SGCZ: variants seen among roughly 807,000 people sequenced by gnomAD.
SGCZ encodes zeta-sarcoglycan.
Under a neutral mutation model 41.3 loss-of-function variants are expected in SGCZ, and 40 were observed. The ratio of observed to expected loss-of-function variants is 0.97; its 90% CI spans 0.75 to 1.26. SGCZ has a LOEUF of 1.26. SGCZ is among the 50% of genes most tolerant of loss of function. The probability of loss-of-function intolerance (pLI) is 0.00; values close to 1 mark genes in which losing one functional copy is unlikely to be tolerated. For synonymous variants in SGCZ, 206 were observed against 137.5 expected (o/e 1.50, Z -3.49); for missense variants, 552 against 369.8 (o/e 1.49, Z -4.04).
chr8:14,701,956 A>G (rs546407741), intron 1 of SGCZ, among the ~76,000 whole-genome samples: 3 of 151,854 alleles, frequency 2.0e-5, no homozygotes, highest in Non-Finnish European at 4.4e-5. Flanking sequence ...ATTTGCCCCC[A>G]GCTATTTCCT....
chr8:14,228,139 C>T (rs1433109944), intron 4 of SGCZ, among the ~76,000 whole-genome samples: 1 of 151,960 alleles, frequency 6.6e-6, no homozygotes, highest in Admixed American at 6.6e-5. Flanking sequence ...AACATTATGC[C>T]CCATTAACCA....
At chr8:14,507,334 A>G (rs926873693) in intron 2 of SGCZ, among the ~76,000 whole-genome samples, 1 of 152,156 alleles carries the variant, frequency 6.6e-6, no homozygotes, top group Non-Finnish European at 1.5e-5. Flanking sequence ...TTTGAGAAGC[A>G]CAGTTTTGGG....
chr8:14,683,244 G>A (rs1220166971), intron 1 of SGCZ, among the ~76,000 whole-genome samples: 5 of 152,142 alleles, frequency 3.3e-5, no homozygotes, highest in African/African-American at 7.2e-5. Flanking sequence ...AAATGCTTAC[G>A]ATTACAATCC....
chr8:15,075,934 A>G (rs1805513278), intron 1 of SGCZ, among the ~76,000 whole-genome samples: 3 of 139,790 alleles, frequency 2.1e-5, no homozygotes, highest in African/African-American at 8.7e-5. Flanking sequence ...ATCCCAGACC[A>G]AAAAAAAAAA....
At chr8:14,904,375 G>T (rs2130765536) in intron 1 of SGCZ, among the ~76,000 whole-genome samples, 1 of 152,040 alleles carries the variant, frequency 6.6e-6, no homozygotes, top group Non-Finnish European at 1.5e-5. Context: ...TTCCAAAAAA[G>T]ATTAGACGCA....
intron 1 of SGCZ, among the ~76,000 whole-genome samples, chr8:14,679,134 A>T (rs373000694): frequency 6.6e-6 from 1 of 152,212 alleles, no homozygotes; most frequent in Non-Finnish European, 1.5e-5. Flanking sequence ...GACCTACTGC[A>T]CTGCCAGTCA....
chr8:15,004,173 T>A (rs7003157), intron 1 of SGCZ, among the ~76,000 whole-genome samples: 77,150 of 151,904 alleles, frequency 0.51, 19,882 homozygotes, highest in South Asian at 0.54. Context: ...GCTAGATACA[T>A]GCTGTTAAGG....
chr8:14,947,743 A>G (rs1212549107), intron 1 of SGCZ, among the ~76,000 whole-genome samples: 1 of 152,178 alleles, frequency 6.6e-6, no homozygotes, highest in East Asian at 1.9e-4. Context: ...CCTCACAAGG[A>G]TCCTGTAATT....
intron 2 of SGCZ, among the ~76,000 whole-genome samples, chr8:14,372,702 G>C (rs1050060349): frequency 6.6e-6 from 1 of 152,126 alleles, no homozygotes; most frequent in Non-Finnish European, 1.5e-5. Context: ...AGAAAACACA[G>C]TAAGGCAGAT....
chr8:14,797,166 C>A (rs1374235435), intron 1 of SGCZ, among the ~76,000 whole-genome samples: 1 of 151,508 alleles, frequency 6.6e-6, no homozygotes, highest in Non-Finnish European at 1.5e-5. Context: ...GGGGTGGGGA[C>A]AGTTTGGAGG....
intron 2 of SGCZ, among the ~76,000 whole-genome samples, chr8:14,394,723 G>T (rs999881466): frequency 3.9e-5 from 6 of 152,096 alleles, no homozygotes; most frequent in African/African-American, 1.4e-4. Context: ...TGGAAATAAA[G>T]AAAGAATCAG....
At chr8:15,027,253 A>G (rs1803492304) in intron 1 of SGCZ, among the ~76,000 whole-genome samples, 1 of 152,170 alleles carries the variant, frequency 6.6e-6, no homozygotes, top group Non-Finnish European at 1.5e-5. Context: ...AGAATAAACA[A>G]ACATATTCAC....
At chr8:14,782,454 A>T (rs1233499613) in intron 1 of SGCZ, among the ~76,000 whole-genome samples, 1 of 152,142 alleles carries the variant, frequency 6.6e-6, no homozygotes, top group Non-Finnish European at 1.5e-5. Context: ...TATCCATCTA[A>T]CTTCTAATGT....
At chr8:14,427,162 A>G (rs1407379142) in intron 2 of SGCZ, among the ~76,000 whole-genome samples, 1 of 152,150 alleles carries the variant, frequency 6.6e-6, no homozygotes, top group African/African-American at 2.4e-5. Context: ...CAATGTGTAC[A>G]CTAAATTCTC....
chr8:14,220,317 A>G (rs1288068631), intron 4 of SGCZ, among the ~76,000 whole-genome samples: 1 of 152,182 alleles, frequency 6.6e-6, no homozygotes, highest in Non-Finnish European at 1.5e-5. Context: ...TCAGAGACAT[A>G]ATATTACGAG....
At chr8:14,402,873 C>A (rs1406997303) in intron 2 of SGCZ, among the ~76,000 whole-genome samples, 1 of 149,796 alleles carries the variant, frequency 6.7e-6, no homozygotes, top group Non-Finnish European at 1.5e-5. Flanking sequence ...TGTAAATCAC[C>A]TTGGGCAGTA....
chr8:14,437,759 A>T (rs115509757), intron 2 of SGCZ, among the ~76,000 whole-genome samples: 1 of 151,698 alleles, frequency 6.6e-6, no homozygotes, highest in Non-Finnish European at 1.5e-5. Flanking sequence ...TTGTTGCCTG[A>T]CTAAAAATAA....
chr8:15,150,041 C>G (rs1276426696), intron 1 of SGCZ, among the ~76,000 whole-genome samples: 1 of 152,124 alleles, frequency 6.6e-6, no homozygotes, highest in Non-Finnish European at 1.5e-5. Flanking sequence ...AGCTGTCAAA[C>G]AGCCACCTGT....
intron 1 of SGCZ, among the ~76,000 whole-genome samples, chr8:14,788,971 T>TAAA (rs1800862543): frequency 6.6e-6 from 1 of 152,096 alleles, no homozygotes; most frequent in African/African-American, 2.4e-5. Flanking sequence ...ATAATAATAA[T>TAAA]AAATTAAATG....
Sources: allele counts gnomAD v4.1 joint callset (sites outside exome capture counted in the v4.1 genomes callset), GRCh38; gene constraint gnomAD v4.1.1; transcripts MANE v1.5; gene names NCBI Gene and HGNC (gene_info 2026-07-23, HGNC 2026-07-21).